The following ZNF808 variants were observed in gnomAD, a reference collection of about 807,000 sequenced individuals.
The protein encoded by ZNF808 is zinc finger protein 808.
ZNF808 carries 5 observed loss-of-function variants against 8.7 expected under a neutral mutation model. The ratio of observed to expected loss-of-function variants is 0.58; its 90% CI spans 0.30 to 1.21. ZNF808 has a LOEUF of 1.21. Ranked by LOEUF, ZNF808 falls within the 50% of genes most tolerant of loss-of-function variation. The pLI is 0.07. For missense variants in ZNF808, 1,103 were observed against 1,098.4 expected (o/e 1.00, Z -0.06); for synonymous variants, 380 against 366.0 (o/e 1.04, Z -0.44).
At chr19:52,537,719 G>A (rs2059627208) in intron 2 of ZNF808, among the ~76,000 whole-genome samples, 1 of 151,922 alleles carries the variant, frequency 6.6e-6, no homozygotes, top group South Asian at 2.1e-4. Context: ...GGGGACTTTG[G>A]GTACAGATGA....
rs545012587 is a variant in ZNF808 at position 52,545,351 on chromosome 19, G to A, written c.63+2004G>A. Among the ~76,000 whole-genome samples the A allele has an allele frequency of 2.6e-5, 4 of 152,274 alleles. No individual in the cohort carries two copies. In the East Asian group the frequency reaches 7.7e-4, roughly 29 times the overall value. On this transcript the variant is annotated intron_variant, in intron 3 of 4. Transcript: ENST00000359798. Reference sequence around the variant, plus strand: ...TGGGTAACGCCATGATGTGATGTGTGTGCATGAATACATGGGTGGATAAGC... The same window carrying A: ...TGGGTAACGCCATGATGTGATGTGTATGCATGAATACATGGGTGGATAAGC...
chr19:52,563,561 T>A (rs951977337), exon 4 of ZNF808: 2 of 152,454 alleles, frequency 1.3e-5, no homozygotes, highest in African/African-American at 4.8e-5. Flanking sequence ...AAAGTTTGGG[T>A]ACAGGAATAA....
In ZNF808 at chr19:52,547,423, T is replaced by G. The variant is rs564045531; in HGVS notation, c.64-89T>G. The G allele has an allele frequency of 8.8e-6, 14 of 1,598,964 alleles. No homozygotes were observed. In the African/African-American group the frequency reaches 1.1e-4, roughly 12 times the overall value. On this transcript the variant is annotated intron_variant, in intron 3 of 4. Transcript: ENST00000359798. ...TGTCAGAACACAGTCTTTGATCAAA[T>G]AAATACTTATTTTCCCTTTTCTCAT...
At chr19:52,544,898 C>T (rs1331522639) in intron 3 of ZNF808, among the ~76,000 whole-genome samples, 5 of 152,194 alleles carry the variant, frequency 3.3e-5, no homozygotes, top group Non-Finnish European at 7.3e-5. Flanking sequence ...ATTCTTTTGC[C>T]TCAGCCTCCT....
intron 1 of ZNF808, among the ~76,000 whole-genome samples, chr19:52,529,914 T>A (rs1366803849): frequency 7.0e-4 from 64 of 91,078 alleles, no homozygotes; most frequent in Non-Finnish European, 9.2e-4. Context: ...TATATATATT[T>A]TTTTTTTTTG....
Position 52,554,251 on chromosome 19 carries a change from T to G in ZNF808, c.1335T>G (p.His445Gln), listed in dbSNP as rs1901381907. ...GTCAGAAATCAACCCTTGAGAGACA[T>G]AAGAGAATTCATACTGGAGAGAAAC... Reference protein sequence around the residue: ...VFSQKSTLERHKRIHTGEKPY... With the variant: ...VFSQKSTLERQKRIHTGEKPY... Residue 445 changes from histidine (H) to glutamine (Q), a missense_variant, in exon 5 of 5, where the codon CAT becomes CAG. His to Gln is a conservative substitution (Grantham distance 24). Transcript: ENST00000359798. The G allele has an allele frequency of 6.2e-7, 1 of 1,613,670 alleles. No homozygotes were observed. Among genetic ancestry groups the G allele is most frequent in the African/African-American group, 1.3e-5 (1 of 74,996 alleles).
downstream of ZNF808, among the ~76,000 whole-genome samples, chr19:52,566,496 TAAA>T (rs2059873305): frequency 6.6e-6 from 1 of 152,096 alleles, no homozygotes; most frequent in Non-Finnish European, 1.5e-5. Context: ...TAGATTGAAA[TAAA>T]AACCCATTCT....
intron 3 of ZNF808, among the ~76,000 whole-genome samples, chr19:52,545,873 C>G (rs2059715368): frequency 1.3e-5 from 2 of 152,064 alleles, no homozygotes; most frequent in African/African-American, 2.4e-5. Flanking sequence ...TGTTCTTACC[C>G]TGGGACCTTT....
chr19:52,560,338 A>T (rs74994619), downstream of ZNF808, among the ~76,000 whole-genome samples: 1 of 151,828 alleles, frequency 6.6e-6, no homozygotes, highest in African/African-American at 2.4e-5. Flanking sequence ...AAAAAAAAAA[A>T]TTAAAAAACG....
intron 4 of ZNF808, among the ~76,000 whole-genome samples, chr19:52,549,164 G>T (rs2059751370): frequency 6.6e-6 from 1 of 151,894 alleles, no homozygotes; most frequent in African/African-American, 2.4e-5. Context: ...TTTTTTAGTA[G>T]AGACAGTGTT....
At chr19:52,567,682 TC>T (rs1169751078), downstream of ZNF808, among the ~76,000 whole-genome samples, 1 of 151,042 alleles carries the variant, frequency 6.6e-6, no homozygotes, top group Non-Finnish European at 1.5e-5. Flanking sequence ...ATGCCACCAC[TC>T]CAGGCTAATT....
chr19:52,563,429 A>G (rs1301374830), exon 4 of ZNF808: 3 of 152,214 alleles, frequency 2.0e-5, no homozygotes, highest in African/African-American at 7.2e-5. Flanking sequence ...ACTACTGTGG[A>G]GTCTGCAGTG....
rs755672489 is a variant in ZNF808 at position 52,553,136 on chromosome 19, G to A, written c.220G>A (p.Val74Ile). Residue 74 changes from valine to isoleucine, a missense_variant, in exon 5 of 5, where the codon GTC (valine) becomes ATC (isoleucine). Physicochemically the swap from Val to Ile is conservative, Grantham distance 29 (BLOSUM62 3). Transcript: ENST00000359798. ...DISSKHMMKEVLSTGQGNREV... is the reference protein window; with the variant it reads ...DISSKHMMKEILSTGQGNREV... ...CTCTTCCAAACACATGATGAAGGAG[G>A]TCTTGTCAACAGGGCAAGGCAATAG... 1 of 1,571,400 alleles carries A rather than the reference G, an allele frequency of 6.4e-7. No individual in the cohort carries two copies. Among genetic ancestry groups the A allele is most frequent in the Non-Finnish European group, 8.6e-7 (1 of 1,163,534 alleles).
intron 2 of ZNF808, among the ~76,000 whole-genome samples, chr19:52,533,244 G>T (rs1283702869): frequency 6.6e-6 from 1 of 151,722 alleles, no homozygotes; most frequent in Non-Finnish European, 1.5e-5. Flanking sequence ...CTTTCCAACG[G>T]AGACACAGTT....
downstream of ZNF808, among the ~76,000 whole-genome samples, chr19:52,568,188 A>G (rs928844743): frequency 4.7e-4 from 71 of 152,080 alleles, 1 homozygote; most frequent in Middle Eastern, 6.8e-3. Flanking sequence ...CCTGGCCAAC[A>G]TGGGGAAACC....
chr19:52,543,795 G>C (rs188843293), intron 3 of ZNF808, among the ~76,000 whole-genome samples: 1 of 152,098 alleles, frequency 6.6e-6, no homozygotes, highest in African/African-American at 2.4e-5. Context: ...ATCTGATTTG[G>C]TAATGCATTT....
downstream of ZNF808, among the ~76,000 whole-genome samples, chr19:52,557,420 C>T (rs1216997922): frequency 6.6e-6 from 1 of 152,064 alleles, no homozygotes; most frequent in Non-Finnish European, 1.5e-5. Flanking sequence ...GTGCCCTCCA[C>T]CACTCCCGGC....
chr19:52,541,160 C>T (rs2059666338), intron 2 of ZNF808, among the ~76,000 whole-genome samples: 1 of 151,870 alleles, frequency 6.6e-6, no homozygotes. Context: ...CCATATTGGC[C>T]AGGATGATCT....
intron 2 of ZNF808, among the ~76,000 whole-genome samples, chr19:52,534,664 C>T (rs1479865370): frequency 3.8e-5 from 4 of 105,426 alleles, no homozygotes; most frequent in Admixed American, 3.2e-4. Flanking sequence ...CCGAGGCTGG[C>T]GGATCACTTG....
Sources: gnomAD v4.1 joint callset for allele counts (sites outside exome capture counted in the v4.1 genomes callset) on GRCh38, gnomAD v4.1.1 for gene constraint, MANE v1.5 for transcripts, NCBI Gene and HGNC (gene_info 2026-07-23, HGNC 2026-07-21) for gene names.